The following ADAM32 variants were observed in gnomAD, a reference collection of about 807,000 sequenced individuals.
ADAM32 encodes the protein ADAM metallopeptidase domain 32.
ADAM32 carries 89 observed loss-of-function variants against 114.9 expected under a neutral mutation model. The observed-to-expected ratio is 0.77, with a 90% CI of 0.65 to 0.92. The LOEUF is 0.92. ADAM32 is among the 40% of genes least tolerant of loss of function. The pLI is 0.00. For synonymous variants in ADAM32, 285 were observed against 307.5 expected, an observed-to-expected ratio of 0.93 and a Z score of 0.77; for missense variants, 870 against 932.8, an observed-to-expected ratio of 0.93 and a Z score of 0.88.
In ADAM32 at chr8:39,233,965, T is replaced by G; in HGVS notation, c.1701T>G (p.Gly567=). Residue 567 remains glycine, a synonymous_variant, in exon 16 of 25, where the codon GGT becomes GGG. Transcript: ENST00000379907. ...GAAAGCCTTTCCATCAAGAAAATGG[T>G]GATGTGATTTATGCTTTCGTACGAG... ...PTRKPFHQEN[G]DVIYAFVRDS... is the part of the protein sequence containing the mutation. 6.3e-7 allele frequency: 1 copy of G among 1,591,558 alleles called. No individual in the cohort carries two copies. The highest frequency in any genetic ancestry group is 8.6e-7 in the Non-Finnish European group (1 of 1,168,026).
rs144152119 is a variant in ADAM32 at position 39,217,625 on chromosome 8, C to T, written c.1234-3985C>T. On this transcript the variant is annotated intron_variant, in intron 12 of 24. Transcript: ENST00000379907. ...TCAAGCTCACTAATTCTTTCTTCTG[C>T]GTGGTCAGTTCTGCTATTAAGAGAC... 2.3e-3 allele frequency among the ~76,000 whole-genome samples: 343 copies of T among 152,170 alleles called. 1 individual carries two copies. The highest frequency in any genetic ancestry group is 3.6e-3 in the Non-Finnish European group (245 of 67,998).
At chr8:39,282,425 T>C (rs10086997) in intron 23 of ADAM32, among the ~76,000 whole-genome samples, 16,098 of 152,118 alleles carry the variant, frequency 0.11, 2,674 homozygotes, top group African/African-American at 0.35. Context: ...ATCATAATCA[T>C]CCTTTTTAAA....
At chr8:39,222,402 T>C (rs1809031761) in intron 13 of ADAM32, among the ~76,000 whole-genome samples, 2 of 152,110 alleles carry the variant, frequency 1.3e-5, no homozygotes. Context: ...TTCTTACTTC[T>C]GTAATCTTTT....
At chr8:39,118,424 T>G (rs1840464026) in intron 2 of ADAM32, among the ~76,000 whole-genome samples, 1 of 152,172 alleles carries the variant, frequency 6.6e-6, no homozygotes, top group Admixed American at 6.5e-5. Flanking sequence ...AAGTGTTTTA[T>G]CTGAGTGATA....
rs578210927 is a variant in ADAM32, at chr8:39,277,758, G to T, written c.2279+1892G>T. Among the ~76,000 whole-genome samples the T allele has an allele frequency of 3.3e-5, 5 of 152,344 alleles. No individual in the cohort carries two copies. The South Asian group carries it at 1.0e-3, about 32-fold the overall frequency. Reference sequence around the variant, plus strand: ...GCCACAGCCAGCACTTTTGGGCGCCGGCAGGGGCGAACTCTGTGCAGGCCC... The same window carrying T: ...GCCACAGCCAGCACTTTTGGGCGCCTGCAGGGGCGAACTCTGTGCAGGCCC... On this transcript the variant is annotated intron_variant, in intron 22 of 24. Coordinates refer to ENST00000379907, the MANE Select transcript of ADAM32 (RefSeq NM_145004.7).
intron 17 of ADAM32, among the ~76,000 whole-genome samples, chr8:39,246,423 A>G (rs1810925646): frequency 2.0e-5 from 3 of 152,324 alleles, no homozygotes; most frequent in South Asian, 4.1e-4. Flanking sequence ...AAATTTTCTG[A>G]TAAATACATT....
At chr8:39,187,567 G>A (rs879695921) in intron 11 of ADAM32, among the ~76,000 whole-genome samples, 3 of 152,132 alleles carry the variant, frequency 2.0e-5, no homozygotes, top group Admixed American at 6.5e-5. Context: ...CACCGCGCCC[G>A]GCCAGGATCT....
chr8:39,263,042 ATCTT>A (rs1458463466), intron 19 of ADAM32, among the ~76,000 whole-genome samples: 9 of 152,044 alleles, frequency 5.9e-5, no homozygotes, highest in Non-Finnish European at 1.0e-4. Context: ...GATATGTTGT[ATCTT>A]TCTTGGAATT....
intron 3 of ADAM32, among the ~76,000 whole-genome samples, chr8:39,140,474 G>A (rs1007696689): frequency 2.6e-5 from 4 of 152,122 alleles, no homozygotes; most frequent in Non-Finnish European, 5.9e-5. Context: ...TGCATATGTC[G>A]AACCAGCCTT....
At chr8:39,236,188 T>C (rs6981991) in intron 16 of ADAM32, among the ~76,000 whole-genome samples, 12,956 of 152,198 alleles carry the variant, frequency 0.085, 1,884 homozygotes, top group African/African-American at 0.29. Flanking sequence ...CTCTGGTACA[T>C]TTTAACAAAA....
chr8:39,280,626 G>A (rs1012664493), intron 22 of ADAM32, among the ~76,000 whole-genome samples: 32 of 152,074 alleles, frequency 2.1e-4, no homozygotes, highest in African/African-American at 7.2e-4. Context: ...TGCATTTGGT[G>A]TTTGAGTAAA....
At chr8:39,269,603 C>A (rs1264131408) in intron 19 of ADAM32, among the ~76,000 whole-genome samples, 1 of 152,158 alleles carries the variant, frequency 6.6e-6, no homozygotes, top group African/African-American at 2.4e-5. Flanking sequence ...TGTGAGGAGT[C>A]TAAATATTCT....
At chr8:39,258,743 G>A (rs1376273410) in intron 19 of ADAM32, among the ~76,000 whole-genome samples, 4 of 151,884 alleles carry the variant, frequency 2.6e-5, no homozygotes, top group East Asian at 1.9e-4. Context: ...TTTCCTGTCC[G>A]TTTGATACTT....
At chr8:39,174,957 G>GCAT (rs1408482524) in intron 10 of ADAM32, among the ~76,000 whole-genome samples, 1 of 151,964 alleles carries the variant, frequency 6.6e-6, no homozygotes, top group Non-Finnish European at 1.5e-5. Flanking sequence ...ACTGTGAGTG[G>GCAT]GAGTTCATTC....
At chr8:39,252,205 G>A (rs927200575) in intron 17 of ADAM32, among the ~76,000 whole-genome samples, 2 of 151,444 alleles carry the variant, frequency 1.3e-5, no homozygotes, top group East Asian at 1.9e-4. Context: ...ATTAAGTCAC[G>A]AGACAAGTCT....
intron 10 of ADAM32, among the ~76,000 whole-genome samples, chr8:39,174,173 C>A (rs996169610): frequency 6.6e-6 from 1 of 152,160 alleles, no homozygotes; most frequent in African/African-American, 2.4e-5. Context: ...TTTCAATTTT[C>A]TGCATATGGC....
chr8:39,155,311 T>C (rs1470608822), intron 6 of ADAM32, among the ~76,000 whole-genome samples: 1 of 152,246 alleles, frequency 6.6e-6, no homozygotes, highest in East Asian at 1.9e-4. Flanking sequence ...TCTTAGTTAC[T>C]GCATGTCATT....
intron 11 of ADAM32, among the ~76,000 whole-genome samples, chr8:39,201,292 T>A (rs1372963539): frequency 6.6e-6 from 1 of 152,192 alleles, no homozygotes; most frequent in East Asian, 1.9e-4. Context: ...TGTCCTCTTT[T>A]AGTTCGTTGA....
chr8:39,188,215 C>T (rs1156556136), intron 11 of ADAM32, among the ~76,000 whole-genome samples: 1 of 152,060 alleles, frequency 6.6e-6, no homozygotes, highest in Non-Finnish European at 1.5e-5. Flanking sequence ...TATGTGTATA[C>T]ACATGCAATT....
Sources: gnomAD v4.1 joint callset for allele counts (sites outside exome capture counted in the v4.1 genomes callset) on GRCh38, gnomAD v4.1.1 for gene constraint, MANE v1.5 for transcripts, NCBI Gene and HGNC (gene_info 2026-07-23, HGNC 2026-07-21) for gene names.